Variants in OPHN1 observed in about 807,000 individuals in gnomAD.
OPHN1 encodes oligophrenin-1.
Under a neutral mutation model 60.7 loss-of-function variants are expected in OPHN1, and 11 were observed. The observed-to-expected ratio is 0.18, with a 90% CI of 0.11 to 0.30. The LOEUF is 0.30. Ranked by LOEUF, OPHN1 falls within the 10% of genes least tolerant of loss-of-function variation. The pLI is 1.00. For synonymous variants in OPHN1, 226 were observed against 222.6 expected, an observed-to-expected ratio of 1.02 and a Z score of -0.14; for missense variants, 449 against 611.0, an observed-to-expected ratio of 0.73 and a Z score of 2.80.
intron 3 of OPHN1, among the ~76,000 whole-genome samples, chrX:68,294,998 G>A (rs1037734339): frequency 9.0e-6 from 1 of 111,567 alleles, no homozygotes; most frequent in Non-Finnish European, 1.9e-5. Flanking sequence ...GATCCAAGGA[G>A]CACAGTTTGG....
chrX:68,205,979 A>AGTGTGTGTGTGTGTGTGTGTGTGT (rs1228949782), intron 10 of OPHN1, among the ~76,000 whole-genome samples: 1 of 91,221 alleles, frequency 1.1e-5, no homozygotes, highest in East Asian at 3.5e-4. Context: ...AGTGTGTGTG[A>AGTGTGTGTGTGTGTGTGTGTGTGT]GTGTGTGTGT....
chrX:68,289,534 G>A (rs574149461), intron 3 of OPHN1, among the ~76,000 whole-genome samples: 13 of 111,855 alleles, frequency 1.2e-4, no homozygotes, highest in East Asian at 8.4e-4. Flanking sequence ...TTGTAAATTC[G>A]TATCTGGGAA....
intron 15 of OPHN1, among the ~76,000 whole-genome samples, chrX:68,187,615 T>C (rs2077468654): frequency 9.1e-6 from 1 of 110,273 alleles, no homozygotes; most frequent in East Asian, 2.9e-4. Flanking sequence ...GTATTGGTTT[T>C]TTGTTTGTTT....
At chrX:68,203,128 G>A (rs942987036) in intron 10 of OPHN1, among the ~76,000 whole-genome samples, 4 of 110,752 alleles carry the variant, frequency 3.6e-5, no homozygotes, top group African/African-American at 9.9e-5. Context: ...AGTGGTGGGC[G>A]CCTGTAATCC....
chrX:68,043,724 A>T lies in OPHN1; in HGVS notation c.*3448T>A, dbSNP rs964450558. On this transcript the variant is annotated 3_prime_UTR_variant, in exon 25 of 25. Transcript: ENST00000355520. The stretch of plus-strand genomic sequence containing the variant: ...GTGGCTGAACACCCCCAACCTTTTA[A>T]AAAACAAAAACTTCAAAAATAAAAA... The T allele has an allele frequency of 2.7e-5, 3 of 112,177 alleles. No homozygotes were observed. The highest frequency in any genetic ancestry group is 5.6e-5 in the Non-Finnish European group (3 of 53,249). 9.2% of individuals were successfully genotyped at this position (112,177 alleles called of 1,213,427 possible).
chrX:68,107,204 A>T (rs1179002275), intron 18 of OPHN1, among the ~76,000 whole-genome samples: 1 of 111,585 alleles, frequency 9.0e-6, no homozygotes, highest in Non-Finnish European at 1.9e-5. Context: ...ATGGGAGAAA[A>T]AGTCTTTTAT....
At chrX:68,219,096 A>C (rs1218603064) in intron 6 of OPHN1, among the ~76,000 whole-genome samples, 3 of 49,521 alleles carry the variant, frequency 6.1e-5, no homozygotes, top group African/African-American at 1.5e-4. Flanking sequence ...TCTACCAAGC[A>C]AATGGAAAAC....
chrX:68,133,054 C>G (rs2077204494), intron 15 of OPHN1: 1 of 500,502 alleles, frequency 2.0e-6, no homozygotes, highest in Non-Finnish European at 3.6e-6. Flanking sequence ...CCGCCCCACT[C>G]GGCAGCAAGC....
intron 6 of OPHN1, among the ~76,000 whole-genome samples, chrX:68,226,723 A>G (rs1393712940): frequency 1.8e-5 from 2 of 111,615 alleles, no homozygotes; most frequent in Admixed American, 9.6e-5. Context: ...AAGAGCTCCT[A>G]AAGGAAGCAC....
chrX:68,267,529 G>C (rs1485810721), intron 5 of OPHN1, among the ~76,000 whole-genome samples: 1 of 112,257 alleles, frequency 8.9e-6, no homozygotes, highest in Admixed American at 9.5e-5. Flanking sequence ...ATTCAAAGCA[G>C]TGTGTAGAGG....
chrX:68,108,382 C>A (rs780088479), intron 18 of OPHN1, among the ~76,000 whole-genome samples: 2 of 111,742 alleles, frequency 1.8e-5, no homozygotes, highest in Non-Finnish European at 3.8e-5. Context: ...GGGTAGAATC[C>A]CTTCGACACT....
chrX:68,216,675 T>C (rs926355028), intron 6 of OPHN1, among the ~76,000 whole-genome samples: 3 of 110,584 alleles, frequency 2.7e-5, no homozygotes, highest in Non-Finnish European at 5.7e-5. Flanking sequence ...CACAACAAGA[T>C]AAATAATCAA....
At chrX:68,401,136 T>C (rs920307420) in intron 2 of OPHN1, among the ~76,000 whole-genome samples, 4 of 111,619 alleles carry the variant, frequency 3.6e-5, no homozygotes, top group Non-Finnish European at 7.5e-5. Flanking sequence ...CAATTCAACA[T>C]GGGATTTGGG....
chrX:68,427,796 C>G (rs970767826), intron 2 of OPHN1, among the ~76,000 whole-genome samples: 7 of 107,652 alleles, frequency 6.5e-5, no homozygotes, highest in African/African-American at 2.1e-4. Context: ...TGAATCTGGC[C>G]TATGAAAATG....
chrX:68,396,752 C>T (rs2078686781), intron 2 of OPHN1, among the ~76,000 whole-genome samples: 2 of 110,778 alleles, frequency 1.8e-5, no homozygotes, highest in African/African-American at 6.6e-5. Context: ...GAGGCGGAGG[C>T]TCCAGTGAGC....
chrX:68,124,792 G>A lies in OPHN1; in HGVS notation c.1277-5460C>T, dbSNP rs945586603. On this transcript the variant is annotated intron_variant, in intron 15 of 24. Transcript: ENST00000355520. The stretch of plus-strand genomic sequence containing the variant: ...CCCACTAGTAGCTGGAACTACAAGC[G>A]TGTGCCACCACACCTGGATAACTTT... Among the ~76,000 whole-genome samples the A allele has an allele frequency of 3.2e-4, 35 of 110,645 alleles. 1 individual carries two copies. Among genetic ancestry groups the A allele is most frequent in the Admixed American group, 3.9e-4 (4 of 10,388 alleles).
intron 5 of OPHN1, among the ~76,000 whole-genome samples, chrX:68,253,362 A>C (rs1392752192): frequency 8.9e-6 from 1 of 111,753 alleles, no homozygotes; most frequent in African/African-American, 3.2e-5. Context: ...TCTCAGCATA[A>C]TTTGAACAAA....
intron 2 of OPHN1, among the ~76,000 whole-genome samples, chrX:68,370,567 C>T (rs748021075): frequency 9.0e-6 from 1 of 110,669 alleles, no homozygotes; most frequent in South Asian, 3.8e-4. Flanking sequence ...ACATAAGGAT[C>T]TCTGGTAAAG....
At position 68,176,208 on chromosome X, in the gene OPHN1, A is replaced by C. The variant is rs745926128; in HGVS notation, c.1276+16711T>G. On this transcript the variant is annotated intron_variant, in intron 15 of 24. Coordinates refer to ENST00000355520, the MANE Select transcript of OPHN1 (RefSeq NM_002547.3). ...AATGCACAAGAAAGAAAAGGAAAAA[A>C]TAGATAAATTGGGCTACAACAAAAT... is the stretch of plus-strand genomic sequence containing the variant. Among the ~76,000 whole-genome samples, 3 of 112,162 alleles carry C rather than the reference A, an allele frequency of 2.7e-5. No homozygotes were observed. In the East Asian group the frequency reaches 8.4e-4, roughly 31 times the overall value.
Sources: gnomAD v4.1 joint callset for allele counts (sites outside exome capture counted in the v4.1 genomes callset) on GRCh38, gnomAD v4.1.1 for gene constraint, MANE v1.5 for transcripts, NCBI Gene and HGNC (gene_info 2026-07-23, HGNC 2026-07-21) for gene names.